ZCCHC24: variants seen among roughly 807,000 people sequenced by gnomAD.
ZCCHC24 encodes the protein zinc finger CCHC domain-containing protein 24.
ZCCHC24 carries 10 observed loss-of-function variants against 26.2 expected under a neutral mutation model. That is an observed-to-expected ratio of 0.38 (90% CI 0.24 to 0.65). The LOEUF (loss-of-function observed/expected upper bound fraction) is 0.65. Ranked by LOEUF, ZCCHC24 falls within the 30% of genes least tolerant of loss-of-function variation. The probability of loss-of-function intolerance (pLI) is 0.54; values close to 1 mark genes in which losing one functional copy is unlikely to be tolerated. For synonymous variants in ZCCHC24, 144 were observed against 147.1 expected, an observed-to-expected ratio of 0.98 and a Z score of 0.15; for missense variants, 243 against 329.1, an observed-to-expected ratio of 0.74 and a Z score of 2.03.
rs749758891 is a variant in ZCCHC24 at position 79,432,696 on chromosome 10, A to G, written c.309T>C (p.Asp103=). 3.5e-5 allele frequency: 57 copies of G among 1,608,962 alleles called. No individual in the cohort carries two copies. Among genetic ancestry groups the G allele is most frequent in the African/African-American group, 5.4e-5 (4 of 74,534 alleles). Residue 103 remains aspartate, a synonymous_variant, in exon 2 of 4, where the codon GAT becomes GAC. Transcript: ENST00000372336. ...SPYGSLNNIA[D]GLSSLTEHFS... ...AGTGCTCGGTGAGGGAGCTGAGGCCATCGGCGATGTTGTTGAGGGAGCCAT... is the reference window on the plus strand; with the variant it reads ...AGTGCTCGGTGAGGGAGCTGAGGCCGTCGGCGATGTTGTTGAGGGAGCCAT...
At chr10:79,391,616 T>C (rs1227831095) in intron 3 of ZCCHC24, among the ~76,000 whole-genome samples, 1 of 151,900 alleles carries the variant, frequency 6.6e-6, no homozygotes, top group South Asian at 2.1e-4. Context: ...GGGCTGTTCC[T>C]GACTCCTGCC....
intron 3 of ZCCHC24, among the ~76,000 whole-genome samples, chr10:79,392,547 C>G (rs953527104): frequency 6.6e-6 from 1 of 152,226 alleles, no homozygotes; most frequent in African/African-American, 2.4e-5. Flanking sequence ...TTGCTGTCTT[C>G]TAGATCATTC....
chr10:79,423,792 C>T (rs984838348), intron 2 of ZCCHC24, among the ~76,000 whole-genome samples: 3 of 150,262 alleles, frequency 2.0e-5, no homozygotes, highest in Non-Finnish European at 3.0e-5. Context: ...CCAAGGCAGG[C>T]GGATCACTTG....
chr10:79,399,024 T>C (rs1856591959), intron 2 of ZCCHC24, among the ~76,000 whole-genome samples: 1 of 110,308 alleles, frequency 9.1e-6, no homozygotes, highest in Admixed American at 1.0e-4. Context: ...TGGAGGCTTG[T>C]GTTGGTGGGG....
intron 2 of ZCCHC24, among the ~76,000 whole-genome samples, chr10:79,406,244 T>G (rs1444774725): frequency 6.6e-6 from 1 of 152,200 alleles, no homozygotes. Flanking sequence ...CTTCGAACCA[T>G]GGCCTTTCTC....
At chr10:79,443,545 C>T (rs1857316623) in intron 1 of ZCCHC24, among the ~76,000 whole-genome samples, 1 of 152,230 alleles carries the variant, frequency 6.6e-6, no homozygotes, top group Non-Finnish European at 1.5e-5. Flanking sequence ...CCTCTATCAC[C>T]TTGTCTGTTT....
At chr10:79,421,075 A>G (rs1311711609) in intron 2 of ZCCHC24, among the ~76,000 whole-genome samples, 2 of 152,216 alleles carry the variant, frequency 1.3e-5, no homozygotes, top group Admixed American at 6.5e-5. Flanking sequence ...CCTCACTGAA[A>G]GGAGAGGGCT....
At chr10:79,397,461 G>A (rs540469120) in intron 2 of ZCCHC24, among the ~76,000 whole-genome samples, 1 of 152,278 alleles carries the variant, frequency 6.6e-6, no homozygotes, top group African/African-American at 2.4e-5. Context: ...ACTGTTTCTG[G>A]TGCTACCTTC....
chr10:79,386,546 C>G (rs999612303), intron 3 of ZCCHC24, 88 bp from the exon 4 acceptor site: 1 of 1,068,888 alleles, frequency 9.4e-7, no homozygotes, highest in African/African-American at 1.6e-5. Flanking sequence ...CACACAGAGA[C>G]AGACAGGTGA....
At position 79,395,615 on chromosome 10, in the gene ZCCHC24, C is replaced by T. The variant is rs1464053851; in HGVS notation, c.448-1175G>A. On this transcript the variant is annotated intron_variant, in intron 2 of 3. Transcript: ENST00000372336. ...ACCAATCTAAAAGGTAGAAAATCTT[C>T]TCAGAGGAGCTTTGACTTGTATGTC... Among the ~76,000 whole-genome samples, 5 of 152,208 alleles carry T rather than the reference C, an allele frequency of 3.3e-5. No individual in the cohort carries two copies. In the East Asian group the frequency reaches 9.6e-4, roughly 29 times the overall value.
At chr10:79,421,966 C>G (rs1856943228) in intron 2 of ZCCHC24, among the ~76,000 whole-genome samples, 1 of 152,088 alleles carries the variant, frequency 6.6e-6, no homozygotes, top group African/African-American at 2.4e-5. Context: ...TCCTTAGCCC[C>G]AGTGTTGTGA....
intron 2 of ZCCHC24, among the ~76,000 whole-genome samples, chr10:79,422,011 G>A (rs1239253554): frequency 2.0e-5 from 3 of 152,128 alleles, no homozygotes; most frequent in South Asian, 2.1e-4. Flanking sequence ...ATGTTGATGG[G>A]TCTGAACTAA....
Position 79,386,052 on chromosome 10 carries a change from AG to A in ZCCHC24, c.*292del. The A allele has an allele frequency of 1.9e-6, 1 of 539,908 alleles. No homozygotes were observed. The highest frequency in any genetic ancestry group is 3.3e-6 in the Non-Finnish European group (1 of 299,900). 33.4% of individuals were successfully genotyped at this position (539,908 alleles called of 1,614,324 possible). A position where few individuals can be genotyped will look rare whatever the true frequency, so the allele number is the denominator to read the frequency against. On this transcript the variant is annotated 3_prime_UTR_variant, in exon 4 of 4. Coordinates refer to ENST00000372336, the MANE Select transcript of ZCCHC24 (RefSeq NM_153367.4). The stretch of plus-strand genomic sequence containing the variant: ...CAGAGGCGAGCCTGTGGGGACACCC[AG>A]GGCTCCTGGACATGGGCTTTTGCTT...
intron 2 of ZCCHC24, among the ~76,000 whole-genome samples, chr10:79,401,829 G>A (rs978972323): frequency 6.6e-6 from 1 of 152,244 alleles, no homozygotes; most frequent in Non-Finnish European, 1.5e-5. Context: ...AAGAGGAGCA[G>A]GGGGAGGAAA....
chr10:79,428,738 A>G (rs149374419), intron 2 of ZCCHC24, among the ~76,000 whole-genome samples: 1 of 152,206 alleles, frequency 6.6e-6, no homozygotes, highest in African/African-American at 2.4e-5. Context: ...CTTTAGGTAG[A>G]TTAAACAAGA....
chr10:79,436,734 G>A (rs72820326), intron 1 of ZCCHC24, among the ~76,000 whole-genome samples: 11,067 of 152,310 alleles, frequency 0.073, 502 homozygotes, highest in South Asian at 0.16. Flanking sequence ...ATGCCCTAGC[G>A]GTCTCATTTC....
At chr10:79,392,307 C>T (rs1277280021) in intron 3 of ZCCHC24, among the ~76,000 whole-genome samples, 10 of 152,292 alleles carry the variant, frequency 6.6e-5, no homozygotes, top group Admixed American at 2.0e-4. Context: ...GCCTGGGATG[C>T]GGCTGGGTGG....
In ZCCHC24 at chr10:79,432,579, G is replaced by A; in HGVS notation, c.426C>T (p.His142=). The A allele has an allele frequency of 6.2e-7, 1 of 1,602,150 alleles. No homozygotes were observed. The highest frequency in any genetic ancestry group is 8.5e-7 in the Non-Finnish European group (1 of 1,174,770). Residue 142 remains histidine (H), a synonymous_variant, in exon 2 of 4, where the codon CAC becomes CAT. Coordinates refer to ENST00000372336, the MANE Select transcript of ZCCHC24 (RefSeq NM_153367.4). ...TTACCTGGGGGCAGTCCTTGATGTA[G>A]TGTCCTTTGTTGAAGCACAGGTGGC... ...YLCHLCFNKG[H]YIKDCPQARP...
At chr10:79,394,652 G>C in intron 2 of ZCCHC24, 1 of 985,034 alleles carries the variant, frequency 1.0e-6, no homozygotes, top group African/African-American at 1.7e-5. Flanking sequence ...AAACAGAGGA[G>C]ATGGTGAAAA....
Sources: allele counts gnomAD v4.1 joint callset (sites outside exome capture counted in the v4.1 genomes callset), GRCh38; gene constraint gnomAD v4.1.1; transcripts MANE v1.5; gene names NCBI Gene and HGNC (gene_info 2026-07-23, HGNC 2026-07-21).